SLC9C1: variants seen among roughly 807,000 people sequenced by gnomAD.
SLC9C1 encodes sodium/hydrogen exchanger 10.
SLC9C1 carries 97 observed loss-of-function variants against 140.9 expected under a neutral mutation model. That is an observed-to-expected ratio of 0.69 (90% CI 0.58 to 0.82). SLC9C1 has a LOEUF of 0.82. Ranked by LOEUF, SLC9C1 falls within the 40% of genes least tolerant of loss-of-function variation. The probability of loss-of-function intolerance (pLI) is 0.00; values close to 1 mark genes in which losing one functional copy is unlikely to be tolerated. For synonymous variants in SLC9C1, 440 were observed against 442.6 expected (o/e 0.99, Z 0.07); for missense variants, 1,340 against 1,389.3 (o/e 0.96, Z 0.56).
chr3:112,267,591 A>G (rs1462443899), intron 7 of SLC9C1, among the ~76,000 whole-genome samples: 1 of 149,992 alleles, frequency 6.7e-6, no homozygotes, highest in Admixed American at 6.7e-5. Flanking sequence ...AAAAAAAAAA[A>G]AAAAAAGAGA....
Position 112,263,073 on chromosome 3 carries a change from G to GACCAACTC in SLC9C1, c.1047_1048insGAGTTGGT (p.Pro350GlufsTer20), listed in dbSNP as rs772315406. ...TCATGACCAACTCGAGACAAAACAG[G>GACCAACTC]GCTTATTAAAAGAAGGGTCAGAAAT... On this transcript the variant is annotated frameshift_variant, in exon 10 of 29. Transcript: ENST00000305815. LOFTEE classifies it high-confidence loss of function. 5 of 1,576,092 alleles carry GACCAACTC rather than the reference G, an allele frequency of 3.2e-6. No homozygotes were observed. The highest frequency in any genetic ancestry group is 2.0e-5 in the Admixed American group (1 of 50,236).
At chr3:112,239,342 G>C (rs2079078004) in intron 12 of SLC9C1, among the ~76,000 whole-genome samples, 1 of 152,186 alleles carries the variant, frequency 6.6e-6, no homozygotes, top group African/African-American at 2.4e-5. Flanking sequence ...AATTTTCGAG[G>C]TGCCATCTGT....
intron 13 of SLC9C1, among the ~76,000 whole-genome samples, chr3:112,230,500 T>A: frequency 6.6e-6 from 1 of 152,226 alleles, no homozygotes; most frequent in Non-Finnish European, 1.5e-5. Context: ...GGCATTAGCT[T>A]CATCCTCATG....
chr3:112,154,897 G>T lies in SLC9C1; in HGVS notation c.3417+100C>A. 4.4e-6 allele frequency: 5 copies of T among 1,145,446 alleles called. No individual in the cohort carries two copies. In the South Asian group the frequency reaches 4.4e-5, roughly 10 times the overall value. The allele number at this position is 1,145,446 out of a possible 1,614,324, so 71.0% of individuals were successfully genotyped here. On this transcript the variant is annotated intron_variant, in intron 27 of 28. Coordinates refer to ENST00000305815, the MANE Select transcript of SLC9C1 (RefSeq NM_183061.3). ...AAAATCTACAAAATGACTAGCAGAT[G>T]AACTTTTTCAGAATAAGAGAAACAC... is the stretch of plus-strand genomic sequence containing the variant.
intron 26 of SLC9C1, among the ~76,000 whole-genome samples, chr3:112,165,781 C>G (rs78428136): frequency 6.6e-6 from 1 of 152,188 alleles, no homozygotes; most frequent in African/African-American, 2.4e-5. Flanking sequence ...AGGAGAACCA[C>G]TACTCTCTTC....
intron 12 of SLC9C1, among the ~76,000 whole-genome samples, chr3:112,233,068 T>TATTA (rs59351134): frequency 1.6e-5 from 2 of 128,726 alleles, no homozygotes; most frequent in Non-Finnish European, 3.3e-5. Flanking sequence ...TATATATATA[T>TATTA]TATATTTTTT....
chr3:112,287,785 C>T (rs1209540088), intron 1 of SLC9C1, among the ~76,000 whole-genome samples: 3 of 152,176 alleles, frequency 2.0e-5, no homozygotes, highest in African/African-American at 7.2e-5. Flanking sequence ...CGGTGGCTCA[C>T]GCCTGTAATC....
In SLC9C1 at chr3:112,249,402, C is replaced by T. The variant is rs151283781; in HGVS notation, c.1198-5326G>A. Among the ~76,000 whole-genome samples, 1,317 of 151,362 alleles carry T rather than the reference C, an allele frequency of 8.7e-3. 24 individuals carry two copies. Among genetic ancestry groups the T allele is most frequent in the African/African-American group, 0.029 (1,203 of 41,214 alleles). On this transcript the variant is annotated intron_variant, in intron 10 of 28. Coordinates refer to ENST00000305815, the MANE Select transcript of SLC9C1 (RefSeq NM_183061.3). The stretch of plus-strand genomic sequence containing the variant: ...TCTATATTCTTCAAGGATATTGGCC[C>T]GAAGTTTTATTTTTCTGTTGTGTCT...
At chr3:112,200,522 T>C (rs758813929) in intron 19 of SLC9C1, among the ~76,000 whole-genome samples, 189 bp downstream of exon 19, 5 of 152,040 alleles carry the variant, frequency 3.3e-5, no homozygotes, top group Non-Finnish European at 1.5e-5. Context: ...AGAGAGAAAG[T>C]GTGAAGCGAT....
At chr3:112,199,843 T>C (rs1166607028) in intron 19 of SLC9C1, among the ~76,000 whole-genome samples, 1 of 152,054 alleles carries the variant, frequency 6.6e-6, no homozygotes, top group Admixed American at 6.6e-5. Flanking sequence ...CTACAGATGA[T>C]TTTGTGATTA....
intron 15 of SLC9C1, among the ~76,000 whole-genome samples, chr3:112,208,943 A>T (rs1452215127): frequency 1.3e-5 from 2 of 152,168 alleles, no homozygotes; most frequent in Non-Finnish European, 2.9e-5. Context: ...ATGGATCCAA[A>T]TTTTATCACA....
chr3:112,232,951 CTAAA>C (rs1391891616), intron 12 of SLC9C1, among the ~76,000 whole-genome samples: 1 of 150,446 alleles, frequency 6.6e-6, no homozygotes, highest in East Asian at 1.9e-4. Context: ...ACACAATAGC[CTAAA>C]TAAATAAACA....
At chr3:112,200,139 C>T (rs1406034439) in intron 19 of SLC9C1, among the ~76,000 whole-genome samples, 1 of 152,084 alleles carries the variant, frequency 6.6e-6, no homozygotes, top group East Asian at 1.9e-4. Flanking sequence ...TTCTTCTCCT[C>T]CTATACATGA....
chr3:112,267,437 G>A (rs1050890381), intron 7 of SLC9C1, among the ~76,000 whole-genome samples: 4 of 151,632 alleles, frequency 2.6e-5, no homozygotes, highest in African/African-American at 7.3e-5. Context: ...TTAGCCGGGC[G>A]TCGTGGCGGG....
chr3:112,255,894 G>T (rs1042413184), intron 10 of SLC9C1, among the ~76,000 whole-genome samples: 1 of 152,066 alleles, frequency 6.6e-6, no homozygotes, highest in East Asian at 1.9e-4. Context: ...ATGACAAAGT[G>T]TATGCTACCA....
intron 28 of SLC9C1, among the ~76,000 whole-genome samples, chr3:112,145,325 T>G (rs934257982): frequency 1.1e-4 from 16 of 152,224 alleles, no homozygotes; most frequent in Non-Finnish European, 1.9e-4. Context: ...TCGTGGTATA[T>G]TAACTTTCTG....
chr3:112,201,905 G>A (rs2108035245), intron 18 of SLC9C1, among the ~76,000 whole-genome samples: 1 of 152,100 alleles, frequency 6.6e-6, no homozygotes, highest in East Asian at 1.9e-4. Flanking sequence ...TCTCCACCCT[G>A]CCTTCACTTC....
intron 20 of SLC9C1, among the ~76,000 whole-genome samples, chr3:112,194,107 G>A (rs2077721313): frequency 6.6e-6 from 1 of 152,112 alleles, no homozygotes; most frequent in South Asian, 2.1e-4. Flanking sequence ...AGGGAGTGGG[G>A]CGTGCACACC....
At chr3:112,151,510 A>T (rs1426648883) in intron 28 of SLC9C1, 1 of 521,300 alleles carries the variant, frequency 1.9e-6, no homozygotes, top group Non-Finnish European at 3.8e-6. Flanking sequence ...AACACTTGAG[A>T]AGTGAAGTCA....
Sources: allele counts gnomAD v4.1 joint callset (sites outside exome capture counted in the v4.1 genomes callset), GRCh38; gene constraint gnomAD v4.1.1; transcripts MANE v1.5; gene names NCBI Gene and HGNC (gene_info 2026-07-23, HGNC 2026-07-21).